Variants in FBXO4 observed in about 807,000 individuals in gnomAD.
FBXO4 encodes F-box protein 4, also known as F-box only protein 4.
FBXO4 carries 36 observed loss-of-function variants against 43.7 expected under a neutral mutation model. That is an observed-to-expected ratio of 0.82 (90% CI 0.63 to 1.09). The LOEUF (loss-of-function observed/expected upper bound fraction) is 1.09. FBXO4 is among the 50% of genes least tolerant of loss of function. The probability of loss-of-function intolerance (pLI) is 0.00; values close to 1 mark genes in which losing one functional copy is unlikely to be tolerated. For synonymous variants in FBXO4, 180 were observed against 165.6 expected (o/e 1.09, Z -0.67); for missense variants, 435 against 474.1 (o/e 0.92, Z 0.77).
At chr5:41,934,608 C>A in intron 5 of FBXO4, 2 of 1,286,698 alleles carry the variant, frequency 1.6e-6, no homozygotes, top group African/African-American at 1.5e-5. Context: ...AATTCTGATG[C>A]ATTCCAAAGT....
the FBXO4 span, among the ~76,000 whole-genome samples, chr5:41,952,871 T>C: frequency 6.6e-6 from 1 of 152,152 alleles, no homozygotes; most frequent in African/African-American, 2.4e-5. Flanking sequence ...ATTTTCATTT[T>C]GTTATTTTTA....
At chr5:41,989,849 T>C in the FBXO4 span, among the ~76,000 whole-genome samples, 1 of 152,200 alleles carries the variant, frequency 6.6e-6, no homozygotes, top group East Asian at 1.9e-4. Context: ...TTATGAAGCA[T>C]ATTATTGGCT....
chr5:41,939,478 A>G lies in FBXO4; in HGVS notation c.936A>G (p.Ala312=). The G allele has an allele frequency of 1.2e-6, 2 of 1,613,270 alleles. No individual in the cohort carries two copies. Among genetic ancestry groups the G allele is most frequent in the Admixed American group, 1.7e-5 (1 of 59,974 alleles). ...AAGATGAATTTTCTCATATTATGGC[A>G]ATGACAGATCCAGCCTTTGGGTCTT... ...EWQDEFSHIM[A]MTDPAFGSSG... is the part of the protein sequence containing the mutation. Residue 312 remains alanine, a synonymous_variant, in exon 6 of 7, where the codon GCA becomes GCG. Transcript: ENST00000281623.
chr5:41,949,075 G>C, the FBXO4 span, among the ~76,000 whole-genome samples: 4 of 152,220 alleles, frequency 2.6e-5, no homozygotes, highest in East Asian at 7.7e-4. Context: ...AAAATAATAA[G>C]AGCTATTTAT....
At chr5:41,984,101 GT>G in the FBXO4 span, among the ~76,000 whole-genome samples, 1 of 151,824 alleles carries the variant, frequency 6.6e-6, no homozygotes, top group Non-Finnish European at 1.5e-5. Flanking sequence ...AATAAATATA[GT>G]AACCCCCATT....
chr5:42,035,683 T>A, the FBXO4 span, among the ~76,000 whole-genome samples: 2,439 of 152,200 alleles, frequency 0.016, 123 homozygotes, highest in East Asian at 0.1. Context: ...AAAAATCGTG[T>A]TCCATGAGAA....
the FBXO4 span, among the ~76,000 whole-genome samples, chr5:41,960,532 A>G: frequency 6.6e-6 from 1 of 152,120 alleles, no homozygotes; most frequent in Non-Finnish European, 1.5e-5. Flanking sequence ...TCTTCTATAT[A>G]TCTCATTTGT....
chr5:41,934,986 A>G (rs1202603347), intron 5 of FBXO4: 4 of 984,370 alleles, frequency 4.1e-6, no homozygotes, highest in African/African-American at 3.5e-5. Flanking sequence ...TTGAATTTCT[A>G]TTCAATTTAT....
At chr5:41,984,486 G>T in the FBXO4 span, among the ~76,000 whole-genome samples, 6 of 152,204 alleles carry the variant, frequency 3.9e-5, no homozygotes, top group Non-Finnish European at 8.8e-5. Flanking sequence ...GGACATAAGG[G>T]CTCACTCTCT....
chr5:41,942,090 A>G (rs1752014724), downstream of FBXO4, among the ~76,000 whole-genome samples: 2 of 152,118 alleles, frequency 1.3e-5, no homozygotes, highest in African/African-American at 4.8e-5. Context: ...TAAGTTCCAT[A>G]TTTAAATGTA....
the FBXO4 span, among the ~76,000 whole-genome samples, chr5:41,984,143 T>C: frequency 6.6e-6 from 1 of 152,178 alleles, no homozygotes; most frequent in Non-Finnish European, 1.5e-5. Flanking sequence ...TCATTTTAAT[T>C]AGCAAATTTT....
the FBXO4 span, among the ~76,000 whole-genome samples, chr5:41,984,998 C>T: frequency 6.6e-5 from 10 of 152,166 alleles, no homozygotes; most frequent in Non-Finnish European, 1.0e-4. Context: ...TCTATCTACC[C>T]TACTTCTCAA....
the FBXO4 span, among the ~76,000 whole-genome samples, chr5:41,978,870 A>C: frequency 6.6e-6 from 1 of 152,184 alleles, no homozygotes; most frequent in African/African-American, 2.4e-5. Flanking sequence ...TCATGCTTCT[A>C]TTCTTGGAAC....
At chr5:41,999,461 G>GTATAATATATATATA in the FBXO4 span, among the ~76,000 whole-genome samples, 100 of 62,730 alleles carry the variant, frequency 1.6e-3, 3 homozygotes, top group African/African-American at 6.2e-3. Flanking sequence ...GTGTGTGTGT[G>GTATAATATATATATA]TGTGTATATA....
chr5:41,994,548 G>T, the FBXO4 span, among the ~76,000 whole-genome samples: 1 of 152,132 alleles, frequency 6.6e-6, no homozygotes, highest in East Asian at 1.9e-4. Context: ...AGCCCTGCCG[G>T]ATTGGACTGT....
At chr5:41,959,811 GTTCTTTTT>G in the FBXO4 span, among the ~76,000 whole-genome samples, 4 of 152,048 alleles carry the variant, frequency 2.6e-5, no homozygotes, top group East Asian at 7.7e-4. Flanking sequence ...CTCCTGCTTT[GTTCTTTTT>G]GCTCAATATT....
the FBXO4 span, among the ~76,000 whole-genome samples, chr5:41,989,288 T>C: frequency 1.3e-5 from 2 of 152,174 alleles, no homozygotes; most frequent in African/African-American, 4.8e-5. Flanking sequence ...GGGTGACTAA[T>C]TTCTGTGTAA....
In FBXO4 at chr5:41,934,121, T is replaced by A. The variant is rs201857049; in HGVS notation, c.723-12T>A. 6.2e-7 allele frequency: 1 copy of A among 1,612,034 alleles called. No homozygotes were observed. Among genetic ancestry groups the A allele is most frequent in the Non-Finnish European group, 8.5e-7 (1 of 1,178,650 alleles). On this transcript the variant is annotated splice_polypyrimidine_tract_variant and intron_variant, in intron 4 of 6. Transcript: ENST00000281623. ...GTCTTTTTATATTCTGTCTTTACAA[T>A]TTTTTTTCTAGAAAGGAAAGAGATA...
At chr5:42,021,865 A>G in the FBXO4 span, among the ~76,000 whole-genome samples, 4 of 152,154 alleles carry the variant, frequency 2.6e-5, no homozygotes, top group Non-Finnish European at 5.9e-5. Context: ...AAAAGCATGA[A>G]TCAAATAGCA....
Sources: gnomAD v4.1 joint callset for allele counts (sites outside exome capture counted in the v4.1 genomes callset) on GRCh38, gnomAD v4.1.1 for gene constraint, MANE v1.5 for transcripts, NCBI Gene and HGNC (gene_info 2026-07-23, HGNC 2026-07-21) for gene names.